The following MAGI2 variants were observed in gnomAD, a reference collection of about 807,000 sequenced individuals.
The protein encoded by MAGI2 is membrane associated guanylate kinase, WW and PDZ domain containing 2.
A neutral mutation model predicts 133.3 loss-of-function variants in MAGI2; 35 were observed. The ratio of observed to expected loss-of-function variants is 0.26; its 90% confidence interval spans 0.20 to 0.35. MAGI2 has a LOEUF of 0.35. Among genes scored for constraint, MAGI2 ranks in the 10% least tolerant of loss-of-function variants. The probability of loss-of-function intolerance (pLI) is 1.00; values close to 1 mark genes in which losing one functional copy is unlikely to be tolerated. For synonymous variants in MAGI2, 729 were observed against 710.6 expected (o/e 1.03, Z -0.41); for missense variants, 1,636 against 1,863.4 (o/e 0.88, Z 2.25).
chr7:79,309,847 C>T (rs1036118804), intron 1 of MAGI2, among the ~76,000 whole-genome samples: 28 of 151,352 alleles, frequency 1.8e-4, no homozygotes, highest in Admixed American at 5.3e-4. Flanking sequence ...GTATCTCCAT[C>T]AGGTCAGGCG....
intron 1 of MAGI2, among the ~76,000 whole-genome samples, chr7:79,064,299 T>C (rs1028719730): frequency 4.6e-5 from 7 of 152,072 alleles, no homozygotes; most frequent in Admixed American, 4.6e-4. Flanking sequence ...ATAAAACATT[T>C]ATACAGAAAG....
At chr7:78,052,721 G>T (rs548248950) in intron 21 of MAGI2, among the ~76,000 whole-genome samples, 1 of 152,322 alleles carries the variant, frequency 6.6e-6, no homozygotes, top group South Asian at 2.1e-4. Context: ...CCCAAAGCTG[G>T]TTATATATGA....
rs138000799 is a variant in MAGI2 at position 79,052,662 on chromosome 7, G to A, written c.302-45456C>T. ...AAACGAATTAATATTAGAAACCTAA[G>A]GTAATTTAAATAAATAATAAAAGAA... On this transcript the variant is annotated intron_variant, in intron 1 of 21. Coordinates refer to ENST00000354212, the MANE Select transcript of MAGI2 (RefSeq NM_012301.4). 1.7e-3 allele frequency among the ~76,000 whole-genome samples: 255 copies of A among 151,852 alleles called. 1 individual carries two copies. Among genetic ancestry groups the A allele is most frequent in the African/African-American group, 5.8e-3 (240 of 41,376 alleles).
intron 6 of MAGI2, among the ~76,000 whole-genome samples, chr7:78,445,289 T>C (rs1788020767): frequency 6.6e-6 from 1 of 152,132 alleles, no homozygotes; most frequent in Non-Finnish European, 1.5e-5. Context: ...GGAGCTATTA[T>C]ATTTATATGC....
At chr7:78,692,165 C>T (rs1383436336) in intron 2 of MAGI2, among the ~76,000 whole-genome samples, 1 of 152,126 alleles carries the variant, frequency 6.6e-6, no homozygotes, top group Admixed American at 6.5e-5. Context: ...CAGGTTTTTA[C>T]ATGGATGGAT....
At chr7:79,305,317 A>G (rs1280268398) in intron 1 of MAGI2, among the ~76,000 whole-genome samples, 2 of 152,088 alleles carry the variant, frequency 1.3e-5, no homozygotes, top group South Asian at 2.1e-4. Context: ...TGTTTTCTTC[A>G]TTGGAAGCTT....
intron 1 of MAGI2, among the ~76,000 whole-genome samples, chr7:79,110,406 A>G (rs1378565657): frequency 6.6e-6 from 1 of 152,196 alleles, no homozygotes; most frequent in Non-Finnish European, 1.5e-5. Flanking sequence ...ATGGAGTCAA[A>G]GGAGATTATT....
intron 1 of MAGI2, among the ~76,000 whole-genome samples, chr7:79,416,029 TAGA>T (rs1164182668): frequency 6.6e-6 from 1 of 152,038 alleles, no homozygotes; most frequent in Non-Finnish European, 1.5e-5. Flanking sequence ...TAATAATGAG[TAGA>T]AAACTAGGAG....
chr7:78,606,513 A>G (rs1339376718), intron 3 of MAGI2, among the ~76,000 whole-genome samples: 1 of 152,166 alleles, frequency 6.6e-6, no homozygotes, highest in East Asian at 1.9e-4. Context: ...GGTGAGGAAT[A>G]TAAGTATTCC....
chr7:79,157,972 G>GTGTGTGTGTGTGTGTGTC (rs1384745090), intron 1 of MAGI2, among the ~76,000 whole-genome samples: 4 of 145,862 alleles, frequency 2.7e-5, no homozygotes, highest in Admixed American at 7.0e-5. Flanking sequence ...GTGTGTGTGT[G>GTGTGTGTGTGTGTGTGTC]TGTGTATTTA....
chr7:79,056,339 C>G (rs1584806492), intron 1 of MAGI2, among the ~76,000 whole-genome samples: 1 of 152,186 alleles, frequency 6.6e-6, no homozygotes, highest in South Asian at 2.1e-4. Flanking sequence ...GCATTCCAGC[C>G]TGGTAGATTT....
chr7:79,002,860 A>AGTGTGTGT lies in MAGI2; in HGVS notation c.418+4222_418+4229dup, dbSNP rs4021172. Among the ~76,000 whole-genome samples the AGTGTGTGT allele has an allele frequency of 8.9e-3, 1,183 of 133,620 alleles. 8 individuals are homozygous for AGTGTGTGT. The highest frequency in any genetic ancestry group is 0.016 in the African/African-American group (589 of 36,080). 87.7% of individuals were successfully genotyped at this position (133,620 alleles called of 152,430 possible). ...CTAAGGGATGTGGCTTTTATTGAAA[A>AGTGTGTGT]GTGTGTGTGTGTGTGTGTGTGTGTG... On this transcript the variant is annotated intron_variant, in intron 2 of 21. Transcript: ENST00000354212.
intron 1 of MAGI2, among the ~76,000 whole-genome samples, chr7:79,101,723 C>A (rs199877651): frequency 0.017 from 1,954 of 112,256 alleles, no homozygotes; most frequent in South Asian, 0.028. Context: ...GACTCTGTCA[C>A]AAAAAAAAAA....
At position 78,528,523 on chromosome 7, in the gene MAGI2, A is replaced by G. The variant is rs77127588; in HGVS notation, c.539-6878T>C. 4.2e-3 allele frequency among the ~76,000 whole-genome samples: 635 copies of G among 152,344 alleles called. 6 individuals carry two copies. Among genetic ancestry groups the G allele is most frequent in the African/African-American group, 0.015 (605 of 41,574 alleles). On this transcript the variant is annotated intron_variant, in intron 3 of 21. Coordinates refer to ENST00000354212, the MANE Select transcript of MAGI2 (RefSeq NM_012301.4). ...GCAAAAGAATCATAGTCATATAGCT[A>G]TAGTTAGTAAATTAGAAATTTTGTA...
chr7:78,220,799 TG>T (rs1241626529), intron 10 of MAGI2, among the ~76,000 whole-genome samples: 2 of 152,218 alleles, frequency 1.3e-5, no homozygotes, highest in East Asian at 3.8e-4. Flanking sequence ...CAATAATTAA[TG>T]GCAGAATTGG....
chr7:78,348,100 TCAC>T (rs1220639982), intron 7 of MAGI2, among the ~76,000 whole-genome samples: 1 of 152,248 alleles, frequency 6.6e-6, no homozygotes, highest in Non-Finnish European at 1.5e-5. Flanking sequence ...TTTGGCTGCA[TCAC>T]CACATGTGCC....
chr7:78,236,220 G>A (rs1790525295), intron 10 of MAGI2, among the ~76,000 whole-genome samples: 1 of 152,004 alleles, frequency 6.6e-6, no homozygotes, highest in South Asian at 2.1e-4. Context: ...CACATTTATG[G>A]AATGAACAAA....
chr7:79,097,304 C>G (rs1019261766), intron 1 of MAGI2, among the ~76,000 whole-genome samples: 10 of 152,232 alleles, frequency 6.6e-5, no homozygotes, highest in African/African-American at 2.2e-4. Flanking sequence ...CAGTTGTTTC[C>G]TTATCATAAA....
At chr7:78,573,079 A>T (rs1331978437) in intron 3 of MAGI2, among the ~76,000 whole-genome samples, 1 of 98,234 alleles carries the variant, frequency 1.0e-5, no homozygotes, top group Non-Finnish European at 2.0e-5. Flanking sequence ...ATATATATAC[A>T]CACACACACA....
Sources: allele counts gnomAD v4.1 joint callset (sites outside exome capture counted in the v4.1 genomes callset), GRCh38; gene constraint gnomAD v4.1.1; transcripts MANE v1.5; gene names NCBI Gene and HGNC (gene_info 2026-07-23, HGNC 2026-07-21).